Variants in SERINC1 observed in about 807,000 individuals in gnomAD.
The protein encoded by SERINC1 is tumor differentially expressed protein 2.
A neutral mutation model predicts 52.9 loss-of-function variants in SERINC1; 38 were observed. The observed-to-expected ratio is 0.72, with a 90% confidence interval of 0.55 to 0.94. SERINC1 has a LOEUF of 0.94. SERINC1 is among the 40% of genes least tolerant of loss of function. SERINC1 has a pLI of 0.00. For synonymous variants in SERINC1, 198 were observed against 183.1 expected (o/e 1.08, Z -0.66); for missense variants, 471 against 533.9 (o/e 0.88, Z 1.16).
Position 122,445,166 on chromosome 6 carries a change from G to A in SERINC1, c.1240C>T (p.Arg414Cys), listed in dbSNP as rs145798808. ...GCTGTCCACTGACTTTTCATCTCAC[G>A]AGAGGGTTCATACCTAAAATTTCAG... ...LTNWYRYEPS[R>C]EMKSQWTAVW... is the part of the protein sequence containing the mutation. The change falls in exon 10 of 10, where the codon CGT becomes TGT. Residue 414 changes from arginine to cysteine, a missense_variant. Coordinates refer to ENST00000339697, the MANE Select transcript of SERINC1 (RefSeq NM_020755.4). The A allele has an allele frequency of 3.7e-6, 6 of 1,613,554 alleles. No individual in the cohort carries two copies. The highest frequency in any genetic ancestry group is 1.3e-5 in the African/African-American group (1 of 74,886).
Position 122,451,974 on chromosome 6 carries a change from T to C in SERINC1, c.673A>G (p.Ser225Gly), listed in dbSNP as rs17260829. The change falls in exon 6 of 10, where the codon AGT becomes GGT. Residue 225 changes from serine (S) to glycine (G), a missense_variant. Ser to Gly is a moderately conservative substitution (Grantham distance 56). Coordinates refer to ENST00000339697, the MANE Select transcript of SERINC1 (RefSeq NM_020755.4). Reference sequence around the variant, plus strand: ...ATGAACGCCTTGTTTTCTGAACAACTGGCTGGATGAGTGTAGTAGACAAAG... The same window carrying C: ...ATGAACGCCTTGTTTTCTGAACAACCGGCTGGATGAGTGTAGTAGACAAAG... ...LFFVYYTHPA[S>G]CSENKAFISV... 0.044 allele frequency: 69,808 copies of C among 1,598,624 alleles called. 1,779 individuals are homozygous for C. The highest frequency in any genetic ancestry group is 0.053 in the Non-Finnish European group (61,931 of 1,172,794).
rs1582628946 is a variant in SERINC1, at chr6:122,446,674, A to G, written c.1226+100T>C. On this transcript the variant is annotated intron_variant, in intron 9 of 9. Coordinates refer to ENST00000339697, the MANE Select transcript of SERINC1 (RefSeq NM_020755.4). ...TTAGCTGTACATTTTGAAATATATC[A>G]GAGGATAAAAAGTACTTCATATCAC... The G allele has an allele frequency of 6.0e-5, 35 of 583,190 alleles. No homozygotes were observed. In the South Asian group the frequency reaches 8.2e-4, roughly 14 times the overall value. 36.1% of individuals were successfully genotyped at this position (583,190 alleles called of 1,614,324 possible). A position where few individuals can be genotyped will look rare whatever the true frequency, so the allele number is the denominator to read the frequency against.
At chr6:122,456,145 G>C (rs2114482107) in intron 3 of SERINC1, among the ~76,000 whole-genome samples, 1 of 152,226 alleles carries the variant, frequency 6.6e-6, no homozygotes, top group South Asian at 2.1e-4. Context: ...TCTGGGTCTA[G>C]GGAACTGAGA....
At chr6:122,453,299 TTTAG>T (rs1193162326) in intron 5 of SERINC1, among the ~76,000 whole-genome samples, 3 of 152,214 alleles carry the variant, frequency 2.0e-5, no homozygotes, top group Non-Finnish European at 4.4e-5. Context: ...TAGGAATTCC[TTTAG>T]TTGTTATTGA....
chr6:122,455,928 T>C (rs1478608251), intron 3 of SERINC1, among the ~76,000 whole-genome samples: 1 of 152,154 alleles, frequency 6.6e-6, no homozygotes, highest in Non-Finnish European at 1.5e-5. Flanking sequence ...AAGCAACCCG[T>C]CACATATTTT....
rs750920534 is a variant in SERINC1 at position 122,451,758 on chromosome 6, CAA to C, written c.760-6_760-5del. 2.4e-3 allele frequency: 211 copies of C among 88,398 alleles called. No homozygotes were observed. Among genetic ancestry groups the C allele is most frequent in the Non-Finnish European group, 2.9e-3 (173 of 60,492 alleles). 5.5% of individuals were successfully genotyped at this position (88,398 alleles called of 1,614,324 possible). A position where few individuals can be genotyped will look rare whatever the true frequency, so the allele number is the denominator to read the frequency against. ...AACCAGATCTTGGTTGTGATTCCTA[CAA>C]AAAAAAAAAAAAAAAAATATATATA... On this transcript the variant is annotated splice_region_variant and splice_polypyrimidine_tract_variant and intron_variant, in intron 6 of 9. Transcript: ENST00000339697.
intron 2 of SERINC1, 23 bp from the exon 3 acceptor site, chr6:122,456,673 G>A (rs1048976757): frequency 6.6e-7 from 1 of 1,513,686 alleles, no homozygotes; most frequent in Non-Finnish European, 8.8e-7. Flanking sequence ...AAGAGTTTAT[G>A]ATCCATCATT....
At position 122,446,779 on chromosome 6, in the gene SERINC1, C is replaced by A. The variant is rs766066659; in HGVS notation, c.1221G>T (p.Trp407Cys). Residue 407 changes from tryptophan to cysteine, a missense_variant, in exon 9 of 10, where the codon TGG becomes TGT. Transcript: ENST00000339697. The part of the protein sequence containing the change: ...SLYIMMTLTN[W>C]YRYEPSREMK... ...TTTTCATGAAATATAAATACCTGTA[C>A]CAGTTGGTAAGGGTCATCATGATAT... The A allele has an allele frequency of 6.3e-7, 1 of 1,598,278 alleles. No homozygotes were observed. The highest frequency in any genetic ancestry group is 1.1e-5 in the South Asian group (1 of 90,736).
intron 5 of SERINC1, among the ~76,000 whole-genome samples, chr6:122,453,286 C>A (rs1326541944): frequency 6.6e-6 from 1 of 152,140 alleles, no homozygotes; most frequent in African/African-American, 2.4e-5. Flanking sequence ...AATTACATTA[C>A]TATAGGAATT....
intron 1 of SERINC1, among the ~76,000 whole-genome samples, chr6:122,471,459 A>G (rs1356584606): frequency 1.3e-5 from 2 of 152,116 alleles, no homozygotes; most frequent in African/African-American, 4.8e-5. Context: ...CTCTTCCTCA[A>G]TTTGAGTCAT....
intron 1 of SERINC1, among the ~76,000 whole-genome samples, chr6:122,465,229 TC>T (rs1395354652): frequency 6.6e-6 from 1 of 152,046 alleles, no homozygotes; most frequent in Non-Finnish European, 1.5e-5. Context: ...TTTGGCAGAA[TC>T]CCCAAATAGT....
At position 122,444,986 on chromosome 6, in the gene SERINC1, G is replaced by A. The variant is rs371111637; in HGVS notation, c.*58C>T. On this transcript the variant is annotated 3_prime_UTR_variant, in exon 10 of 10. Transcript: ENST00000339697. ...ACATACACAACTTTACAAAAGTTGGGAATACTGTTTTCAAATAAGCAATAA... is the reference window on the plus strand; with the variant it reads ...ACATACACAACTTTACAAAAGTTGGAAATACTGTTTTCAAATAAGCAATAA... 2.9e-4 allele frequency: 444 copies of A among 1,546,844 alleles called. 1 individual carries two copies. In the African/African-American group the frequency reaches 5.4e-3, roughly 19 times the overall value.
At position 122,447,243 on chromosome 6, in the gene SERINC1, T is replaced by C. The variant is rs747337472; in HGVS notation, c.873A>G (p.Leu291=). The change falls in exon 8 of 10, where the codon CTA becomes CTG. Residue 291 remains leucine (L), a synonymous_variant. Coordinates refer to ENST00000339697, the MANE Select transcript of SERINC1 (RefSeq NM_020755.4). ...TTGTATTGTAGCCAATTATGCTTAG[T>C]AGACTTGGGTTGCAATTTGTTTCTG... ...NEPETNCNPS[L]LSIIGYNTTS... 5.0e-6 allele frequency: 8 copies of C among 1,610,574 alleles called. No homozygotes were observed. The African/African-American group carries it at 5.3e-5, about 11-fold the overall frequency.
rs143784345 is a variant in SERINC1 at position 122,446,970 on chromosome 6, G to A, written c.1030C>T (p.Leu344=). 1.9e-4 allele frequency: 309 copies of A among 1,612,962 alleles called. No individual in the cohort carries two copies. The highest frequency in any genetic ancestry group is 2.4e-4 in the Non-Finnish European group (282 of 1,179,086). Residue 344 remains leucine (L), a synonymous_variant, in exon 9 of 10, where the codon CTG becomes TTG. Transcript: ENST00000339697. ...GTAGATTCATCACTTGTTAGAGTCA[G>A]TTTATTAACCTGACTATTGTTTGAA... The part of the protein sequence containing the change: ...RTSNNSQVNK[L]TLTSDESTLI...
rs1387182260 is a variant in SERINC1, at chr6:122,471,755, A to T, written c.-18T>A. ...CTCCCCATCTCCACAACGTCACAAG[A>T]GCAGCGGATACAGACAAGATGGAGA... On this transcript the variant is annotated 5_prime_UTR_variant, in exon 1 of 10. Coordinates refer to ENST00000339697, the MANE Select transcript of SERINC1 (RefSeq NM_020755.4). 4.3e-6 allele frequency: 7 copies of T among 1,614,068 alleles called. No homozygotes were observed. The highest frequency in any genetic ancestry group is 5.9e-6 in the Non-Finnish European group (7 of 1,179,970).
intron 9 of SERINC1, among the ~76,000 whole-genome samples, chr6:122,446,307 T>C (rs1296189408): frequency 6.6e-6 from 1 of 152,164 alleles, no homozygotes; most frequent in Admixed American, 6.5e-5. Context: ...GTAGAAATTG[T>C]TGCTTGTAGA....
intron 7 of SERINC1, among the ~76,000 whole-genome samples, chr6:122,447,638 TTTCTATCATATG>T (rs1774830330): frequency 6.6e-6 from 1 of 152,080 alleles, no homozygotes; most frequent in Non-Finnish European, 1.5e-5. Flanking sequence ...TGCACTGGCT[TTTCTATCATATG>T]TTGAGATTAT....
intron 5 of SERINC1, 80 bp downstream of exon 5, chr6:122,453,690 A>C: frequency 8.6e-7 from 1 of 1,162,358 alleles, no homozygotes. Flanking sequence ...TAAAAATCCT[A>C]AGTGATTTAC....
At chr6:122,465,028 G>A (rs540530520) in intron 1 of SERINC1, among the ~76,000 whole-genome samples, 2 of 151,694 alleles carry the variant, frequency 1.3e-5, no homozygotes. Context: ...AAGGTTTGGG[G>A]TTTTTTTTCT....
Sources: allele counts gnomAD v4.1 joint callset (sites outside exome capture counted in the v4.1 genomes callset), GRCh38; gene constraint gnomAD v4.1.1; transcripts MANE v1.5; gene names NCBI Gene and HGNC (gene_info 2026-07-23, HGNC 2026-07-21).